IPO11: variants seen among roughly 807,000 people sequenced by gnomAD.
The protein encoded by IPO11 is importin 11.
In IPO11, 66 loss-of-function variants were observed where a neutral mutation model predicts 143.2. That is an observed-to-expected ratio of 0.46 (90% CI 0.38 to 0.57). IPO11 has a LOEUF of 0.57. IPO11 is among the 20% of genes least tolerant of loss of function. The pLI, the probability that IPO11 is intolerant of heterozygous loss-of-function variation, is 0.00. For missense variants in IPO11, 1,026 were observed against 1,141.0 expected, an observed-to-expected ratio of 0.90 and a Z score of 1.45; for synonymous variants, 385 against 377.8, an observed-to-expected ratio of 1.02 and a Z score of -0.22.
chr5:62,530,823 T>A, intron 22 of IPO11, 38 bp downstream of exon 22: 1 of 1,488,604 alleles, frequency 6.7e-7, no homozygotes, highest in Non-Finnish European at 9.3e-7. Flanking sequence ...TGTTTTTGAA[T>A]GCAACCATAA....
chr5:62,419,959 G>A (rs551373821), intron 1 of IPO11, among the ~76,000 whole-genome samples: 6 of 152,068 alleles, frequency 3.9e-5, no homozygotes, highest in African/African-American at 1.4e-4. Flanking sequence ...TATGATGCCG[G>A]CATTGCTCTC....
intron 9 of IPO11, among the ~76,000 whole-genome samples, chr5:62,481,071 A>G (rs1746186815): frequency 1.3e-5 from 2 of 151,624 alleles, no homozygotes; most frequent in African/African-American, 4.8e-5. Flanking sequence ...ACCCGCCACC[A>G]TGCCCGGCTA....
chr5:62,413,377 C>A (rs754591043), intron 1 of IPO11: 1 of 152,160 alleles, frequency 6.6e-6, no homozygotes, highest in Non-Finnish European at 1.5e-5. Context: ...AAACATTAGA[C>A]CCTTACATGC....
At chr5:62,437,193 G>C (rs1277943226) in intron 1 of IPO11, 81 bp from the exon 2 acceptor site, 1 of 1,150,212 alleles carries the variant, frequency 8.7e-7, no homozygotes. Flanking sequence ...GAACATGAAA[G>C]CTTTTTGTCT....
At chr5:62,585,520 G>A (rs981632828) in intron 27 of IPO11, among the ~76,000 whole-genome samples, 2 of 152,188 alleles carry the variant, frequency 1.3e-5, no homozygotes, top group African/African-American at 2.4e-5. Context: ...GCTAGGTAAG[G>A]TCAGAGAGCT....
chr5:62,615,232 A>G (rs1383036233), intron 29 of IPO11, among the ~76,000 whole-genome samples: 1 of 152,054 alleles, frequency 6.6e-6, no homozygotes, highest in Non-Finnish European at 1.5e-5. Flanking sequence ...GCCCTCTTCT[A>G]CCCAGTATTT....
intron 7 of IPO11, among the ~76,000 whole-genome samples, chr5:62,470,845 T>G (rs1228084598): frequency 2.4e-5 from 2 of 83,908 alleles, no homozygotes; most frequent in African/African-American, 4.9e-5. Flanking sequence ...TTTTTTTTTT[T>G]GAGACAGAGT....
chr5:62,624,780 C>G (rs1053506751), intron 29 of IPO11, among the ~76,000 whole-genome samples: 5 of 151,886 alleles, frequency 3.3e-5, no homozygotes, highest in Admixed American at 6.6e-5. Context: ...GTCAGGAGAT[C>G]GAGATCATCC....
At chr5:62,478,421 C>T (rs1746045964) in intron 9 of IPO11, among the ~76,000 whole-genome samples, 1 of 152,208 alleles carries the variant, frequency 6.6e-6, no homozygotes, top group African/African-American at 2.4e-5. Flanking sequence ...CCCACTGCCA[C>T]CTCCCAAAGT....
chr5:62,544,567 T>G (rs909205416), intron 24 of IPO11, among the ~76,000 whole-genome samples: 2 of 152,168 alleles, frequency 1.3e-5, no homozygotes, highest in Admixed American at 1.3e-4. Flanking sequence ...GTCTCACCAC[T>G]CCTATTCAAC....
At chr5:62,601,645 T>G in intron 28 of IPO11, 119 bp from the exon 29 acceptor site, 1 of 454,362 alleles carries the variant, frequency 2.2e-6, no homozygotes, top group Non-Finnish European at 3.8e-6. Context: ...TTTCTCACAT[T>G]TTGGTGTGAA....
At chr5:62,525,845 CAG>C (rs1387953446) in intron 20 of IPO11, among the ~76,000 whole-genome samples, 2 of 152,098 alleles carry the variant, frequency 1.3e-5, no homozygotes, top group Non-Finnish European at 2.9e-5. Flanking sequence ...TCTGTAGAGA[CAG>C]GGAGAGGAAA....
chr5:62,513,413 G>GAC (rs1400107808), intron 19 of IPO11, among the ~76,000 whole-genome samples: 3 of 50,102 alleles, frequency 6.0e-5, no homozygotes, highest in South Asian at 1.8e-3. Context: ...AGGGGGCGCT[G>GAC]ACCCCCCCCC....
At chr5:62,517,583 A>G (rs1028271003) in intron 20 of IPO11, among the ~76,000 whole-genome samples, 1 of 152,058 alleles carries the variant, frequency 6.6e-6, no homozygotes, top group African/African-American at 2.4e-5. Context: ...TTGTATTTTT[A>G]GTAGAGATGG....
At chr5:62,546,562 C>G (rs1458436079) in intron 24 of IPO11, among the ~76,000 whole-genome samples, 2 of 151,912 alleles carry the variant, frequency 1.3e-5, no homozygotes, top group Non-Finnish European at 2.9e-5. Flanking sequence ...CAAACCTGCA[C>G]GTTGTGCACT....
intron 27 of IPO11, among the ~76,000 whole-genome samples, chr5:62,568,396 T>G (rs1055580529): frequency 2.6e-5 from 4 of 151,464 alleles, no homozygotes; most frequent in African/African-American, 9.7e-5. Context: ...TATTTCCGTT[T>G]GATTTTTTGA....
intron 16 of IPO11, among the ~76,000 whole-genome samples, chr5:62,499,440 G>T (rs1322956793): frequency 6.6e-6 from 1 of 152,166 alleles, no homozygotes; most frequent in Admixed American, 6.5e-5. Flanking sequence ...TGAGTGATTA[G>T]TGAATGTGAA....
At chr5:62,620,973 G>T (rs140512866) in intron 29 of IPO11, among the ~76,000 whole-genome samples, 9 of 152,334 alleles carry the variant, frequency 5.9e-5, no homozygotes, top group African/African-American at 2.2e-4. Context: ...TCAACACATG[G>T]CTCTGTCTAG....
intron 29 of IPO11, among the ~76,000 whole-genome samples, chr5:62,621,755 C>T (rs1002025439): frequency 3.3e-5 from 5 of 152,062 alleles, no homozygotes; most frequent in East Asian, 1.9e-4. Flanking sequence ...GCTAAATGAA[C>T]GTCTTTTACA....
Sources: gnomAD v4.1 joint callset for allele counts (sites outside exome capture counted in the v4.1 genomes callset) on GRCh38, gnomAD v4.1.1 for gene constraint, MANE v1.5 for transcripts, NCBI Gene and HGNC (gene_info 2026-07-23, HGNC 2026-07-21) for gene names.